Variants in CCDC7 observed in about 807,000 individuals in gnomAD.
The protein encoded by CCDC7 is coiled-coil domain containing 7, also known as coiled-coil domain-containing protein 7.
In CCDC7, 183 loss-of-function variants were observed where a neutral mutation model predicts 196.9. The ratio of observed to expected loss-of-function variants is 0.93; its 90% CI spans 0.82 to 1.05. The LOEUF (loss-of-function observed/expected upper bound fraction) is 1.05, where lower values mean the gene tolerates loss of function less well. CCDC7 is among the 50% of genes least tolerant of loss of function. The pLI, the probability that CCDC7 is intolerant of heterozygous loss-of-function variation, is 0.00. For missense variants in CCDC7, 1,540 were observed against 1,482.2 expected (o/e 1.04, Z -0.64); for synonymous variants, 525 against 484.6 (o/e 1.08, Z -1.10).
intron 11 of CCDC7, among the ~76,000 whole-genome samples, chr10:32,538,102 T>C (rs2050814451): frequency 6.6e-6 from 1 of 152,218 alleles, no homozygotes; most frequent in Non-Finnish European, 1.5e-5. Context: ...ATTTTAACAA[T>C]ATTGAGTCTC....
chr10:32,621,925 A>C (rs1419634372), intron 18 of CCDC7, among the ~76,000 whole-genome samples: 1 of 152,176 alleles, frequency 6.6e-6, no homozygotes, highest in Non-Finnish European at 1.5e-5. Flanking sequence ...CTGAGAAATA[A>C]TGTTTTACTA....
At chr10:32,475,338 A>C (rs913015184) in intron 8 of CCDC7, among the ~76,000 whole-genome samples, 1 of 152,250 alleles carries the variant, frequency 6.6e-6, no homozygotes, top group African/African-American at 2.4e-5. Context: ...TACTGCATTC[A>C]CTGTTTTCCA....
intron 13 of CCDC7, among the ~76,000 whole-genome samples, chr10:32,558,226 A>C (rs1426251383): frequency 6.6e-6 from 1 of 152,190 alleles, no homozygotes; most frequent in African/African-American, 2.4e-5. Context: ...TATTATGAAT[A>C]TCATATTCTT....
chr10:32,763,097 G>A (rs1010470711), intron 28 of CCDC7, among the ~76,000 whole-genome samples: 1 of 151,884 alleles, frequency 6.6e-6, no homozygotes, highest in African/African-American at 2.4e-5. Context: ...GAAAACATTC[G>A]TGAATCATAT....
intron 11 of CCDC7, among the ~76,000 whole-genome samples, chr10:32,535,596 A>G (rs1033473602): frequency 8.5e-5 from 13 of 152,170 alleles, no homozygotes; most frequent in African/African-American, 2.9e-4. Context: ...TCTGGAATCA[A>G]TAGAAAGGAG....
intron 11 of CCDC7, among the ~76,000 whole-genome samples, chr10:32,530,331 A>C (rs1483176506): frequency 6.6e-6 from 1 of 151,970 alleles, no homozygotes; most frequent in African/African-American, 2.4e-5. Flanking sequence ...TTTTTATGGG[A>C]ATTGCATTGA....
chr10:32,758,778 A>G (rs923166134), intron 28 of CCDC7, among the ~76,000 whole-genome samples: 6 of 152,180 alleles, frequency 3.9e-5, no homozygotes, highest in Non-Finnish European at 7.4e-5. Flanking sequence ...AATAAAGGGT[A>G]TTCAATTAGG....
intron 8 of CCDC7, among the ~76,000 whole-genome samples, chr10:32,486,175 G>T (rs1046382275): frequency 2.0e-5 from 3 of 152,134 alleles, no homozygotes; most frequent in African/African-American, 7.2e-5. Flanking sequence ...ATGAATCTGG[G>T]TGCTCCTGTA....
chr10:32,765,122 C>T (rs2078067079), intron 28 of CCDC7, among the ~76,000 whole-genome samples: 1 of 151,836 alleles, frequency 6.6e-6, no homozygotes, highest in African/African-American at 2.4e-5. Flanking sequence ...GTTTACAGAC[C>T]CAGGACCCCT....
At chr10:32,851,986 T>C (rs2093582357) in intron 40 of CCDC7, 54 bp downstream of exon 41, 1 of 1,493,998 alleles carries the variant, frequency 6.7e-7, no homozygotes, top group Admixed American at 2.4e-5. Context: ...AAGCTATAAC[T>C]AAATGTAAAT....
chr10:32,639,743 T>A (rs930607787), intron 20 of CCDC7, among the ~76,000 whole-genome samples: 5 of 151,336 alleles, frequency 3.3e-5, no homozygotes, highest in Non-Finnish European at 5.9e-5. Flanking sequence ...TTCTCCTGCC[T>A]CAGCCTCTCC....
At chr10:32,462,402 G>A (rs1438576596) in intron 3 of CCDC7, among the ~76,000 whole-genome samples, 3 of 152,096 alleles carry the variant, frequency 2.0e-5, no homozygotes, top group African/African-American at 7.2e-5. Context: ...TCAAGCCTGG[G>A]TGACAGTGAG....
chr10:32,542,326 CA>C (rs2051585170), intron 11 of CCDC7, among the ~76,000 whole-genome samples: 1 of 152,058 alleles, frequency 6.6e-6, no homozygotes, highest in African/African-American at 2.4e-5. Context: ...ATTTCATCTG[CA>C]AAAACAATGA....
At chr10:32,593,878 C>G (rs972216631) in intron 18 of CCDC7, among the ~76,000 whole-genome samples, 5 of 152,030 alleles carry the variant, frequency 3.3e-5, no homozygotes, top group African/African-American at 1.2e-4. Context: ...ATATTATTTC[C>G]GAGGGCTCTA....
rs565553586 is a variant in CCDC7, at chr10:32,514,948, C to T, written c.873-2997C>T. 9.2e-5 allele frequency among the ~76,000 whole-genome samples: 14 copies of T among 152,286 alleles called. 2 individuals carry two copies. In the South Asian group the frequency reaches 2.7e-3, roughly 29 times the overall value. ...CAAGGCATCTTCCTGCCTCAGCCTT[C>T]TAAGCAGCTAGGACTACAGGCATGA... On this transcript the variant is annotated intron_variant, in intron 9 of 41. Coordinates refer to ENST00000639629, the Ensembl canonical transcript of CCDC7.
At chr10:32,660,727 G>A (rs2071168987) in intron 20 of CCDC7, among the ~76,000 whole-genome samples, 1 of 152,022 alleles carries the variant, frequency 6.6e-6, no homozygotes, top group South Asian at 2.1e-4. Flanking sequence ...AATGGGGAAA[G>A]GATTCCCTAT....
At chr10:32,510,443 T>C (rs1462529002) in intron 9 of CCDC7, among the ~76,000 whole-genome samples, 1 of 152,182 alleles carries the variant, frequency 6.6e-6, no homozygotes, top group Non-Finnish European at 1.5e-5. Context: ...TTTTTCTTAA[T>C]AGCAACAGCA....
chr10:32,477,552 GTT>G (rs35299864), intron 8 of CCDC7, among the ~76,000 whole-genome samples: 1 of 142,222 alleles, frequency 7.0e-6, no homozygotes, highest in Admixed American at 7.0e-5. Context: ...TAGAGTCATT[GTT>G]TTTTTTTTTT....
intron 21 of CCDC7, among the ~76,000 whole-genome samples, chr10:32,683,354 G>T (rs1050368584): frequency 5.9e-5 from 9 of 152,088 alleles, no homozygotes; most frequent in Admixed American, 4.6e-4. Context: ...TGGTCTATGT[G>T]TATGTTTTTA....
Sources: allele counts gnomAD v4.1 joint callset (sites outside exome capture counted in the v4.1 genomes callset), GRCh38; gene constraint gnomAD v4.1.1; transcripts MANE v1.5; gene names NCBI Gene and HGNC (gene_info 2026-07-23, HGNC 2026-07-21).